The following CFAP77 variants were observed in gnomAD, a reference collection of about 807,000 sequenced individuals.
The protein encoded by CFAP77 is cilia and flagella associated protein 77.
Under a neutral mutation model 31.1 loss-of-function variants are expected in CFAP77, and 25 were observed. The ratio of observed to expected loss-of-function variants is 0.80; its 90% CI spans 0.59 to 1.12. CFAP77 has a LOEUF of 1.12. CFAP77 is among the 50% of genes most tolerant of loss of function. CFAP77 has a pLI of 0.00. For synonymous variants in CFAP77, 151 were observed against 159.9 expected, an observed-to-expected ratio of 0.94 and a Z score of 0.42; for missense variants, 377 against 397.3, an observed-to-expected ratio of 0.95 and a Z score of 0.44.
chr9:132,451,819 T>C (rs868827260), intron 1 of CFAP77, among the ~76,000 whole-genome samples: 1 of 151,334 alleles, frequency 6.6e-6, no homozygotes, highest in Admixed American at 6.6e-5. Context: ...TTTTTTTTTT[T>C]TTCCAGAAGG....
intron 1 of CFAP77, among the ~76,000 whole-genome samples, chr9:132,456,118 G>A (rs17149099): frequency 0.056 from 8,553 of 152,214 alleles, 790 homozygotes; most frequent in African/African-American, 0.19. Context: ...CCTAGGCTCC[G>A]TTGAACGAGA....
At chr9:132,538,741 T>G (rs1007689550) in intron 4 of CFAP77, among the ~76,000 whole-genome samples, 6 of 151,108 alleles carry the variant, frequency 4.0e-5, no homozygotes, top group Admixed American at 2.6e-4. Flanking sequence ...TTGCACCACT[T>G]CACTCCAGCC....
At chr9:132,551,733 ATAGC>A in intron 5 of CFAP77, among the ~76,000 whole-genome samples, 1 of 152,334 alleles carries the variant, frequency 6.6e-6, no homozygotes, top group East Asian at 1.9e-4. Flanking sequence ...CCCAAGGTTA[ATAGC>A]TAGCATGTGG....
intron 1 of CFAP77, among the ~76,000 whole-genome samples, chr9:132,430,006 A>C (rs746095825): frequency 3.5e-4 from 53 of 151,978 alleles, no homozygotes; most frequent in Admixed American, 1.4e-3. Context: ...ATAGTCCACG[A>C]CTGCTGCCCC....
chr9:132,507,556 T>TA (rs1369697782), intron 3 of CFAP77, among the ~76,000 whole-genome samples: 3 of 152,288 alleles, frequency 2.0e-5, no homozygotes, highest in Admixed American at 6.5e-5. Context: ...TACAGGCTGT[T>TA]AAAAAAATGT....
Position 132,499,669 on chromosome 9 carries a change from G to T in CFAP77, c.524+69G>T. On this transcript the variant is annotated intron_variant, in intron 3 of 5. Coordinates refer to ENST00000393216, the MANE Select transcript of CFAP77 (RefSeq NM_001282957.2). The surrounding 1 kb of genome is among the most constrained non-coding windows in gnomAD (Gnocchi z 5.4). ...AGGTACCAGCTCAATCAGGGACAAG[G>T]TCGGAGGGTGACAGGGAAGTGGAGC... 1 of 1,425,800 alleles carries T rather than the reference G, an allele frequency of 7.0e-7. No homozygotes were observed. Among genetic ancestry groups the T allele is most frequent in the Non-Finnish European group, 9.9e-7 (1 of 1,014,124 alleles). The allele number at this position is 1,425,800 out of a possible 1,614,324, so 88.3% of individuals were successfully genotyped here.
chr9:132,435,056 T>C (rs894138419), intron 1 of CFAP77, among the ~76,000 whole-genome samples: 1 of 152,236 alleles, frequency 6.6e-6, no homozygotes, highest in Admixed American at 6.5e-5. Flanking sequence ...TAACATGGAC[T>C]CAAGTGGATC....
intron 5 of CFAP77, among the ~76,000 whole-genome samples, chr9:132,553,187 C>T (rs765611748): frequency 2.4e-4 from 36 of 152,204 alleles, no homozygotes; most frequent in Non-Finnish European, 4.7e-4. Context: ...TCTGGTGTCT[C>T]TTCTTATAAG....
At position 132,554,306 on chromosome 9, in the gene CFAP77, C is replaced by G. The variant is rs1464894293; in HGVS notation, c.732+11259C>G. 3.9e-5 allele frequency among the ~76,000 whole-genome samples: 6 copies of G among 152,188 alleles called. No individual in the cohort carries two copies. The East Asian group carries it at 9.6e-4, about 24-fold the overall frequency. Reference sequence around the variant, plus strand: ...AACCAGGGGCCTGAGAGTTGCTACACTTTTCTTCAGACTATGCTTTATGCA... The same window carrying G: ...AACCAGGGGCCTGAGAGTTGCTACAGTTTTCTTCAGACTATGCTTTATGCA... On this transcript the variant is annotated intron_variant, in intron 5 of 5. Transcript: ENST00000393216. The surrounding 1 kb of genome is among the most constrained non-coding windows in gnomAD (Gnocchi z 4.1).
At chr9:132,542,346 C>T (rs887037072) in intron 4 of CFAP77, among the ~76,000 whole-genome samples, 3 of 152,210 alleles carry the variant, frequency 2.0e-5, no homozygotes, top group Admixed American at 6.5e-5. Context: ...ACAGACCTTA[C>T]GAGCTATGTG....
chr9:132,479,113 G>T (rs1220800572), intron 1 of CFAP77, among the ~76,000 whole-genome samples: 2 of 152,114 alleles, frequency 1.3e-5, no homozygotes. Context: ...GCAGCACAGG[G>T]CTTGGTAATT....
chr9:132,548,680 G>GC (rs1310909660), intron 5 of CFAP77, among the ~76,000 whole-genome samples: 1 of 149,490 alleles, frequency 6.7e-6, no homozygotes, highest in African/African-American at 2.4e-5. Context: ...GTTGGCTGGC[G>GC]GGGGGGTCTC....
intron 1 of CFAP77, among the ~76,000 whole-genome samples, chr9:132,446,716 G>A (rs558078190): frequency 4.8e-5 from 7 of 146,782 alleles, no homozygotes; most frequent in African/African-American, 1.5e-4. Context: ...ACTCCAGCCT[G>A]GGCGACAGAG....
chr9:132,432,627 G>T (rs1850430234), intron 1 of CFAP77, among the ~76,000 whole-genome samples: 1 of 151,718 alleles, frequency 6.6e-6, no homozygotes, highest in African/African-American at 2.4e-5. Flanking sequence ...TGCCTCCCGG[G>T]TTCAAGCAAT....
At chr9:132,540,093 GC>G (rs1852614524) in intron 4 of CFAP77, among the ~76,000 whole-genome samples, 1 of 152,094 alleles carries the variant, frequency 6.6e-6, no homozygotes, top group African/African-American at 2.4e-5. Flanking sequence ...ACCAGGCCCA[GC>G]TAATTTTGTA....
Position 132,511,337 on chromosome 9 carries a change from C to G in CFAP77, c.524+11737C>G, listed in dbSNP as rs1281403721. Among the ~76,000 whole-genome samples the G allele has an allele frequency of 1.3e-5, 2 of 152,336 alleles. No individual in the cohort carries two copies. The highest frequency in any genetic ancestry group is 2.1e-4 in the South Asian group (1 of 4,830). On this transcript the variant is annotated intron_variant, in intron 3 of 5. Coordinates refer to ENST00000393216, the MANE Select transcript of CFAP77 (RefSeq NM_001282957.2). This position sits in a 1 kb window ranked among gnomAD's most constrained non-coding sequence, Gnocchi z 5.8. ...CTCTGCCAGGGATGCTCGTTCCCAC[C>G]TTGCCTGGCGGAGGCCTCACCGTCC...
rs1021766299 is a variant in CFAP77, at chr9:132,495,467, G to T, written c.196-3228G>T. Among the ~76,000 whole-genome samples the T allele has an allele frequency of 1.3e-5, 2 of 152,110 alleles. No individual in the cohort carries two copies. The highest frequency in any genetic ancestry group is 2.9e-5 in the Non-Finnish European group (2 of 68,016). On this transcript the variant is annotated intron_variant, in intron 1 of 5. Transcript: ENST00000393216. This position sits in a 1 kb window ranked among gnomAD's most constrained non-coding sequence, Gnocchi z 4.2. ...GATCATTTTCATAAACAAATGAGAG[G>T]CCAGAGCTTTGTCTGTAACTCAGAG...
Position 132,565,400 on chromosome 9 carries a change from T to C in CFAP77, c.733-6988T>C, listed in dbSNP as rs1333806813. Among the ~76,000 whole-genome samples, 4 of 151,750 alleles carry C rather than the reference T, an allele frequency of 2.6e-5. No individual in the cohort carries two copies. Among genetic ancestry groups the C allele is most frequent in the Non-Finnish European group, 4.4e-5 (3 of 67,972 alleles). On this transcript the variant is annotated intron_variant, in intron 5 of 5. Transcript: ENST00000393216. The surrounding 1 kb of genome is among the most constrained non-coding windows in gnomAD (Gnocchi z 4.1). Reference sequence around the variant, plus strand: ...ATCCCAGCACTTTGGGAGGCCGAGGTGAGTGGATCACCTGAGGTCAGGAGT... The same window carrying C: ...ATCCCAGCACTTTGGGAGGCCGAGGCGAGTGGATCACCTGAGGTCAGGAGT...
At chr9:132,444,424 G>A (rs1814080061) in intron 1 of CFAP77, among the ~76,000 whole-genome samples, 1 of 152,196 alleles carries the variant, frequency 6.6e-6, no homozygotes, top group South Asian at 2.1e-4. Flanking sequence ...CAGGAAAGAG[G>A]AACGAGAGGG....
Sources: gnomAD v4.1 joint callset for allele counts (sites outside exome capture counted in the v4.1 genomes callset) on GRCh38, gnomAD v4.1.1 for gene constraint, Gnocchi (gnomAD v3.1) non-coding constraint, MANE v1.5 for transcripts, NCBI Gene and HGNC (gene_info 2026-07-23, HGNC 2026-07-21) for gene names.